Variants in ACVR1B observed in about 807,000 individuals in gnomAD.
ACVR1B encodes the protein activin A receptor type 1B, also known as activin receptor type-1B.
In ACVR1B, 15 loss-of-function variants were observed where a neutral mutation model predicts 55.6. That is an observed-to-expected ratio of 0.27 (90% CI 0.18 to 0.42). ACVR1B has a LOEUF of 0.42. ACVR1B is among the 10% of genes least tolerant of loss of function. The pLI is 1.00. For missense variants in ACVR1B, 359 were observed against 670.1 expected (o/e 0.54, Z 5.13); for synonymous variants, 247 against 254.6 (o/e 0.97, Z 0.28).
At position 51,976,317 on chromosome 12, in the gene ACVR1B, C is replaced by T. The variant is rs755157964; in HGVS notation, c.332-10C>T. 9 of 1,613,908 alleles carry T rather than the reference C, an allele frequency of 5.6e-6. No homozygotes were observed. Among genetic ancestry groups the T allele is most frequent in the Middle Eastern group, 3.3e-4 (2 of 6,042 alleles). On this transcript the variant is annotated splice_polypyrimidine_tract_variant and intron_variant, in intron 2 of 8. Coordinates refer to ENST00000257963, the MANE Select transcript of ACVR1B (RefSeq NM_004302.5). ...CTCATTCTTTCCCTCTCCTCTCTCA[C>T]TTGACTCAGGTCACCTCAAGGAGCC... is the stretch of plus-strand genomic sequence containing the variant.
intron 1 of ACVR1B, among the ~76,000 whole-genome samples, chr12:51,953,703 C>T (rs1592239240): frequency 1.3e-5 from 2 of 151,860 alleles, no homozygotes; most frequent in East Asian, 3.9e-4. Flanking sequence ...CTAATATATC[C>T]AGGATTTTTA....
intron 1 of ACVR1B, among the ~76,000 whole-genome samples, chr12:51,967,705 CTTA>C (rs1412423290): frequency 1.3e-5 from 2 of 152,216 alleles, no homozygotes; most frequent in Non-Finnish European, 1.5e-5. Context: ...TACTGATTAT[CTTA>C]TTCTTCAGAG....
rs568411271 is a variant in ACVR1B, at chr12:51,952,213, C to T, written c.91+379C>T. Among the ~76,000 whole-genome samples, 28 of 152,252 alleles carry T rather than the reference C, an allele frequency of 1.8e-4. No homozygotes were observed. In the South Asian group the frequency reaches 2.9e-3, roughly 16 times the overall value. ...GTGTCCAGGGGCGGGGGGCTTTCTTCCCTCCCTCCAGGTGCTCCTGGGGGG... is the reference window on the plus strand; with the variant it reads ...GTGTCCAGGGGCGGGGGGCTTTCTTTCCTCCCTCCAGGTGCTCCTGGGGGG... On this transcript the variant is annotated intron_variant, in intron 1 of 8. Coordinates refer to ENST00000257963, the MANE Select transcript of ACVR1B (RefSeq NM_004302.5).
At chr12:51,984,293 T>C (rs1160898923) in intron 5 of ACVR1B, 127 bp downstream of exon 5, 3 of 1,151,392 alleles carry the variant, frequency 2.6e-6, no homozygotes. Flanking sequence ...TCTAGTTTAA[T>C]TTAAAGGAAA....
intron 3 of ACVR1B, among the ~76,000 whole-genome samples, chr12:51,977,084 G>A (rs1941873261): frequency 1.3e-5 from 2 of 152,166 alleles, no homozygotes; most frequent in Non-Finnish European, 2.9e-5. Context: ...AATAAAGGCA[G>A]TGTGGGCCTC....
In ACVR1B at chr12:51,951,792, C is replaced by T; in HGVS notation, c.49C>T (p.Leu17=). 1 of 1,297,496 alleles carries T rather than the reference C, an allele frequency of 7.7e-7. No individual in the cohort carries two copies. Among genetic ancestry groups the T allele is most frequent in the Non-Finnish European group, 9.9e-7 (1 of 1,014,218 alleles). The allele number at this position is 1,297,496 out of a possible 1,614,324, so 80.4% of individuals were successfully genotyped here. The change falls in exon 1 of 9, where the codon CTG becomes TTG. Residue 17 remains leucine (L), a synonymous_variant. Coordinates refer to ENST00000257963, the MANE Select transcript of ACVR1B (RefSeq NM_004302.5). ...CTCCTTCTTCCCCCTTGTTGTCCTC[C>T]TGCTCGCCGGCAGCGGCGGGTCCGG... ...ASSFFPLVVL[L]LAGSGGSGPR... is the part of the protein sequence containing the mutation.
At chr12:51,982,693 C>T (rs2120677772) in intron 4 of ACVR1B, 1 of 1,530,494 alleles carries the variant, frequency 6.5e-7, no homozygotes, top group Non-Finnish European at 8.7e-7. Flanking sequence ...CAGCAGACTG[C>T]TCATTCCTCA....
chr12:51,960,915 C>T (rs1941509056), intron 1 of ACVR1B, among the ~76,000 whole-genome samples: 1 of 152,242 alleles, frequency 6.6e-6, no homozygotes, highest in African/African-American at 2.4e-5. Context: ...TGGTCTTAGT[C>T]TCCCTGACTC....
chr12:51,973,415 A>G (rs946195880), intron 1 of ACVR1B, among the ~76,000 whole-genome samples: 2 of 152,240 alleles, frequency 1.3e-5, no homozygotes, highest in Non-Finnish European at 2.9e-5. Context: ...GAATGTCCCC[A>G]CTGCCACAAA....
chr12:51,993,327 C>A (rs1942230017), intron 8 of ACVR1B, among the ~76,000 whole-genome samples: 1 of 152,170 alleles, frequency 6.6e-6, no homozygotes, highest in African/African-American at 2.4e-5. Flanking sequence ...TTAGCTGATG[C>A]TTTCGTGTTG....
At chr12:51,955,928 C>G (rs1369994648) in intron 1 of ACVR1B, among the ~76,000 whole-genome samples, 1 of 152,242 alleles carries the variant, frequency 6.6e-6, no homozygotes, top group Non-Finnish European at 1.5e-5. Flanking sequence ...GATACCTGCT[C>G]TGAGTTTCTG....
At chr12:51,978,170 G>C (rs1354022819) in intron 3 of ACVR1B, among the ~76,000 whole-genome samples, 1 of 152,088 alleles carries the variant, frequency 6.6e-6, no homozygotes, top group African/African-American at 2.4e-5. Context: ...CAAAAATCTA[G>C]GGCTTGTTCC....
rs978621185 is a variant in ACVR1B at position 51,996,949 on chromosome 12, A to G, written c.*2839A>G. The G allele has an allele frequency of 1.3e-5, 2 of 152,698 alleles. No homozygotes were observed. The highest frequency in any genetic ancestry group is 1.3e-4 in the Admixed American group (2 of 15,284). 9.5% of individuals were successfully genotyped at this position (152,698 alleles called of 1,614,324 possible). A position where few individuals can be genotyped will look rare whatever the true frequency, so the allele number is the denominator to read the frequency against. The stretch of plus-strand genomic sequence containing the variant: ...ATTTTATTAGAAAGGACTGTAAAAT[A>G]GCCACTTAGACACTTTACCTCTTCA... On this transcript the variant is annotated 3_prime_UTR_variant, in exon 9 of 9. Transcript: ENST00000257963.
intron 5 of ACVR1B, among the ~76,000 whole-genome samples, chr12:51,984,745 A>T (rs985181597): frequency 5.9e-5 from 9 of 152,170 alleles, no homozygotes; most frequent in African/African-American, 2.2e-4. Flanking sequence ...CACAATGGAA[A>T]ATCACCCGTG....
rs10540557 is a variant in ACVR1B, at chr12:51,951,713, T to TGCGGCGGCG, written c.-17_-9dup. On this transcript the variant is annotated 5_prime_UTR_variant, in exon 1 of 9. Coordinates refer to ENST00000257963, the MANE Select transcript of ACVR1B (RefSeq NM_004302.5). ...GCGCGCGCGCTGGGCGCTGCTGGGC[T>TGCGGCGGCG]GCGGCGGCGGCGGCGGCGGCGGTGG... The TGCGGCGGCG allele has an allele frequency of 1.8e-5, 20 of 1,116,624 alleles. No homozygotes were observed. Among genetic ancestry groups the TGCGGCGGCG allele is most frequent in the Non-Finnish European group, 2.2e-5 (20 of 893,618 alleles). 69.2% of individuals were successfully genotyped at this position (1,116,624 alleles called of 1,614,324 possible). A position where few individuals can be genotyped will look rare whatever the true frequency, so the allele number is the denominator to read the frequency against.
At chr12:51,957,553 A>C (rs981992293) in intron 1 of ACVR1B, among the ~76,000 whole-genome samples, 3 of 151,898 alleles carry the variant, frequency 2.0e-5, no homozygotes, top group Admixed American at 6.6e-5. Context: ...TCACACGCAC[A>C]TGCCACCATA....
intron 3 of ACVR1B, among the ~76,000 whole-genome samples, chr12:51,979,521 C>T (rs1039653433): frequency 4.7e-5 from 7 of 148,734 alleles, no homozygotes; most frequent in South Asian, 2.1e-4. Flanking sequence ...TTAAGAGAGG[C>T]GAGAGGGCAA....
intron 1 of ACVR1B, among the ~76,000 whole-genome samples, chr12:51,956,243 C>T (rs1941406054): frequency 6.6e-6 from 1 of 152,104 alleles, no homozygotes; most frequent in Admixed American, 6.5e-5. Flanking sequence ...CATTTGTCTC[C>T]CTAAATATTT....
At chr12:51,986,189 C>T (rs1371354491) in intron 6 of ACVR1B, among the ~76,000 whole-genome samples, 1 of 152,194 alleles carries the variant, frequency 6.6e-6, no homozygotes, top group Non-Finnish European at 1.5e-5. Flanking sequence ...ACTGTTACTG[C>T]CCCTGTGACC....
Sources: gnomAD v4.1 joint callset for allele counts (sites outside exome capture counted in the v4.1 genomes callset) on GRCh38, gnomAD v4.1.1 for gene constraint, MANE v1.5 for transcripts, NCBI Gene and HGNC (gene_info 2026-07-23, HGNC 2026-07-21) for gene names.